MAMLD1: variants seen among roughly 807,000 people sequenced by gnomAD.
MAMLD1 encodes mastermind like domain containing 1.
In MAMLD1, 14 loss-of-function variants were observed where a neutral mutation model predicts 45.0. The ratio of observed to expected loss-of-function variants is 0.31; its 90% CI spans 0.21 to 0.49. MAMLD1 has a LOEUF of 0.49. Ranked by LOEUF, MAMLD1 falls within the 20% of genes least tolerant of loss-of-function variation. MAMLD1 has a pLI of 0.99. For synonymous variants in MAMLD1, 254 were observed against 247.8 expected, an observed-to-expected ratio of 1.02 and a Z score of -0.24; for missense variants, 543 against 603.6, an observed-to-expected ratio of 0.90 and a Z score of 1.05.
chrX:150,362,200 C>G (rs1449059524), upstream of MAMLD1, among the ~76,000 whole-genome samples: 2 of 111,747 alleles, frequency 1.8e-5, no homozygotes, highest in Non-Finnish European at 3.8e-5. Flanking sequence ...CGCTACCCAC[C>G]CAGCAGCCAC....
At chrX:150,374,337 C>G (rs782657622) in intron 1 of MAMLD1, among the ~76,000 whole-genome samples, 1 of 112,060 alleles carries the variant, frequency 8.9e-6, no homozygotes, top group African/African-American at 3.3e-5. Flanking sequence ...CCTGCCAAGT[C>G]TCAGTGCCCT....
chrX:150,397,111 G>T (rs1381684092), intron 1 of MAMLD1, among the ~76,000 whole-genome samples: 1 of 112,057 alleles, frequency 8.9e-6, no homozygotes, highest in African/African-American at 3.2e-5. Flanking sequence ...GGTTTGTTTA[G>T]TTGTAAGGAG....
intron 5 of MAMLD1, among the ~76,000 whole-genome samples, chrX:150,500,889 C>T (rs1359622479): frequency 1.8e-5 from 2 of 111,553 alleles, no homozygotes; most frequent in East Asian, 5.6e-4. Flanking sequence ...GACTGAATCT[C>T]ATCTCTTTTA....
intron 1 of MAMLD1, among the ~76,000 whole-genome samples, chrX:150,365,559 C>G (rs1246793694): frequency 8.8e-6 from 1 of 113,228 alleles, no homozygotes; most frequent in Non-Finnish European, 1.9e-5. Context: ...GGGCGCCCCT[C>G]GCCGCCGGAG....
chrX:150,504,698 G>C, intron 6 of MAMLD1: 1 of 751,990 alleles, frequency 1.3e-6, no homozygotes, highest in Non-Finnish European at 1.6e-6. Context: ...CAGCTAGCTT[G>C]CCTTGAGAAT....
At chrX:150,432,236 A>G (rs1192956423) in intron 1 of MAMLD1, among the ~76,000 whole-genome samples, 2 of 111,736 alleles carry the variant, frequency 1.8e-5, no homozygotes. Flanking sequence ...TTTAAAAAGT[A>G]TCTATTCGTG....
At chrX:150,490,633 T>C (rs1287748046) in intron 5 of MAMLD1, among the ~76,000 whole-genome samples, 3 of 112,063 alleles carry the variant, frequency 2.7e-5, no homozygotes, top group Non-Finnish European at 5.6e-5. Flanking sequence ...CACTATTTCT[T>C]AATTTTCTTA....
At chrX:150,465,193 T>C (rs1256347574) in intron 3 of MAMLD1, among the ~76,000 whole-genome samples, 1 of 112,280 alleles carries the variant, frequency 8.9e-6, no homozygotes, top group Non-Finnish European at 1.9e-5. Context: ...TATAACAGCC[T>C]GCCAGACTTC....
intron 1 of MAMLD1, among the ~76,000 whole-genome samples, chrX:150,369,232 G>C (rs1184735392): frequency 3.6e-5 from 4 of 110,253 alleles, no homozygotes; most frequent in African/African-American, 1.3e-4. Context: ...GTTCTAGAAA[G>C]TTCTGCCCAC....
At chrX:150,422,553 G>A (rs1210221259) in intron 1 of MAMLD1, among the ~76,000 whole-genome samples, 2 of 111,825 alleles carry the variant, frequency 1.8e-5, no homozygotes, top group Non-Finnish European at 3.8e-5. Context: ...GGGATTAGAG[G>A]TGAGCACCAC....
At chrX:150,457,073 T>A (rs1347190548) in intron 2 of MAMLD1, among the ~76,000 whole-genome samples, 1 of 112,742 alleles carries the variant, frequency 8.9e-6, no homozygotes, top group Non-Finnish European at 1.9e-5. Flanking sequence ...CAGTTTTAGA[T>A]GGGAAAGGGC....
At chrX:150,403,981 AAAGAAAGAAAGAAAGAAGAAAGGAAGG>A (rs1271249676) in intron 1 of MAMLD1, among the ~76,000 whole-genome samples, 9 of 97,065 alleles carry the variant, frequency 9.3e-5, no homozygotes, top group African/African-American at 3.4e-4. Flanking sequence ...AGAAAGAAAG[AAAGAAAGAAAGAAAGAAGAAAGGAAGG>A]AAGAAAGAAG....
chrX:150,391,502 G>A (rs188871232), intron 1 of MAMLD1, among the ~76,000 whole-genome samples: 252 of 111,575 alleles, frequency 2.3e-3, no homozygotes, highest in Middle Eastern at 0.018. Context: ...CCCATCCAGT[G>A]AGTTATTTTA....
At chrX:150,477,476 G>A in intron 5 of MAMLD1, among the ~76,000 whole-genome samples, 1 of 111,668 alleles carries the variant, frequency 9.0e-6, no homozygotes, top group East Asian at 2.8e-4. Flanking sequence ...GTCCCTCTGG[G>A]GCTGCGTGCT....
At chrX:150,378,299 G>A (rs782430163) in intron 1 of MAMLD1, among the ~76,000 whole-genome samples, 5 of 112,166 alleles carry the variant, frequency 4.5e-5, no homozygotes, top group Non-Finnish European at 9.4e-5. Flanking sequence ...TACCACAGAA[G>A]TGATGTTGTC....
chrX:150,406,549 A>G lies in MAMLD1; in HGVS notation c.-63-38905A>G, dbSNP rs781823197. ...CAAGTCAAGCAGACGTGGGTCCCATAGTCCTTGGAAGACCCCCACCATTGA... is the reference window on the plus strand; with the variant it reads ...CAAGTCAAGCAGACGTGGGTCCCATGGTCCTTGGAAGACCCCCACCATTGA... On this transcript the variant is annotated intron_variant, in intron 1 of 7. Coordinates refer to ENST00000370401, the MANE Select transcript of MAMLD1 (RefSeq NM_005491.5). Among the ~76,000 whole-genome samples the G allele has an allele frequency of 1.1e-4, 12 of 111,738 alleles. No homozygotes were observed. The South Asian group carries it at 4.5e-3, about 42-fold the overall frequency.
intron 1 of MAMLD1, among the ~76,000 whole-genome samples, chrX:150,371,375 C>T (rs932334932): frequency 2.7e-5 from 3 of 111,218 alleles, no homozygotes; most frequent in African/African-American, 9.8e-5. Context: ...CCTAGCAGGC[C>T]AGCCGTTGAT....
intron 2 of MAMLD1, among the ~76,000 whole-genome samples, chrX:150,453,642 C>A (rs1557405175): frequency 8.9e-6 from 1 of 111,916 alleles, no homozygotes; most frequent in Non-Finnish European, 1.9e-5. Context: ...CTGCTTAAGT[C>A]CCCCGATGGC....
intron 5 of MAMLD1, among the ~76,000 whole-genome samples, chrX:150,475,257 C>T (rs1292426132): frequency 3.6e-5 from 4 of 111,495 alleles, no homozygotes; most frequent in Non-Finnish European, 5.6e-5. Context: ...TCTTTAGAGG[C>T]AGGGTCTCAC....
Sources: allele counts gnomAD v4.1 joint callset (sites outside exome capture counted in the v4.1 genomes callset), GRCh38; gene constraint gnomAD v4.1.1; transcripts MANE v1.5; gene names NCBI Gene and HGNC (gene_info 2026-07-23, HGNC 2026-07-21).